UBE2W: variants seen among roughly 807,000 people sequenced by gnomAD.
UBE2W encodes ubiquitin conjugating enzyme E2 W.
A neutral mutation model predicts 27.2 loss-of-function variants in UBE2W; 18 were observed. The observed-to-expected ratio is 0.66, with a 90% confidence interval of 0.46 to 0.98. The LOEUF (loss-of-function observed/expected upper bound fraction) is 0.98, where lower values mean the gene tolerates loss of function less well. UBE2W is among the 50% of genes least tolerant of loss of function. The pLI is 0.00. For missense variants in UBE2W, 90 were observed against 180.2 expected (o/e 0.50, Z 2.87); for synonymous variants, 53 against 57.2 (o/e 0.93, Z 0.33).
At position 73,788,488 on chromosome 8, in the gene UBE2W, C is replaced by T. The variant is rs1808056528; in HGVS notation, c.*5614G>A. 2 of 985,278 alleles carry T rather than the reference C, an allele frequency of 2.0e-6. No individual in the cohort carries two copies. Among genetic ancestry groups the T allele is most frequent in the South Asian group, 4.7e-5 (1 of 21,292 alleles). 61.0% of individuals were successfully genotyped at this position (985,278 alleles called of 1,614,324 possible). On this transcript the variant is annotated 3_prime_UTR_variant, in exon 6 of 6. Transcript: ENST00000602593. ...CTAATCAACCCAATAATCCATTTTA[C>T]CTTGAACCTGACCACCAATTTGCCT...
intron 3 of UBE2W, among the ~76,000 whole-genome samples, chr8:73,819,224 C>T (rs1227021105): frequency 6.6e-6 from 1 of 152,184 alleles, no homozygotes; most frequent in African/African-American, 2.4e-5. Flanking sequence ...CCCTTCTGTA[C>T]TTTTCCCTCA....
At chr8:73,816,450 T>C (rs1809387838) in intron 3 of UBE2W, among the ~76,000 whole-genome samples, 1 of 152,100 alleles carries the variant, frequency 6.6e-6, no homozygotes, top group Admixed American at 6.5e-5. Context: ...GATGAGGACA[T>C]CACGAACATA....
downstream of UBE2W, among the ~76,000 whole-genome samples, chr8:73,781,787 C>T (rs987605478): frequency 6.6e-6 from 1 of 151,994 alleles, no homozygotes; most frequent in Non-Finnish European, 1.5e-5. Context: ...CCATGTTGCC[C>T]AGGCTAGACT....
chr8:73,788,609 AT>A lies in UBE2W; in HGVS notation c.*5492del, dbSNP rs1161835199. The stretch of plus-strand genomic sequence containing the variant: ...CCTTATGGTAGATTTCAGGCTTTAA[AT>A]TGTAAGTTTCAGGCTTCAAAAGAGG... On this transcript the variant is annotated 3_prime_UTR_variant, in exon 6 of 6. Coordinates refer to ENST00000602593, the MANE Select transcript of UBE2W (RefSeq NM_018299.6). The A allele has an allele frequency of 1.0e-6, 1 of 985,324 alleles. No homozygotes were observed. The highest frequency in any genetic ancestry group is 1.1e-4 in the East Asian group (1 of 8,828). 61.0% of individuals were successfully genotyped at this position (985,324 alleles called of 1,614,324 possible).
intron 3 of UBE2W, among the ~76,000 whole-genome samples, chr8:73,824,391 C>T (rs1809743609): frequency 6.6e-6 from 1 of 152,156 alleles, no homozygotes; most frequent in South Asian, 2.1e-4. Context: ...TGTACTCTGC[C>T]CTTCCTGTAC....
At chr8:73,845,655 A>G (rs1302993060) in intron 1 of UBE2W, among the ~76,000 whole-genome samples, 2 of 152,034 alleles carry the variant, frequency 1.3e-5, no homozygotes, top group Non-Finnish European at 2.9e-5. Context: ...CTATTGTCCT[A>G]TGACCCTGCC....
intron 3 of UBE2W, among the ~76,000 whole-genome samples, chr8:73,820,608 G>GCTGTTT (rs1809569822): frequency 6.6e-6 from 1 of 152,110 alleles, no homozygotes; most frequent in Admixed American, 6.6e-5. Flanking sequence ...AGGCATGGTG[G>GCTGTTT]TGCATACCTG....
At chr8:73,785,652 C>CTT (rs1807931173), downstream of UBE2W, among the ~76,000 whole-genome samples, 2 of 151,826 alleles carry the variant, frequency 1.3e-5, no homozygotes, top group African/African-American at 4.8e-5. Flanking sequence ...AGTGCAATGG[C>CTT]ATGATCTTAG....
intron 1 of UBE2W, among the ~76,000 whole-genome samples, chr8:73,865,279 T>G (rs1037839676): frequency 1.4e-5 from 2 of 147,844 alleles, no homozygotes; most frequent in African/African-American, 5.0e-5. Flanking sequence ...ATGGAACTCA[T>G]GAATAATGAA....
chr8:73,845,898 A>T (rs989564326), intron 1 of UBE2W, among the ~76,000 whole-genome samples: 10 of 151,984 alleles, frequency 6.6e-5, no homozygotes, highest in African/African-American at 9.7e-5. Flanking sequence ...ACTAAGTTTA[A>T]AAAAAAATGG....
chr8:73,867,040 T>C (rs944184232), intron 1 of UBE2W, among the ~76,000 whole-genome samples: 5 of 150,958 alleles, frequency 3.3e-5, no homozygotes, highest in African/African-American at 1.2e-4. Flanking sequence ...GTGAATGTAA[T>C]AAATAATGTC....
intron 1 of UBE2W, among the ~76,000 whole-genome samples, chr8:73,856,244 C>T (rs1302543634): frequency 6.6e-6 from 1 of 151,944 alleles, no homozygotes; most frequent in Non-Finnish European, 1.5e-5. Context: ...AAATAGATTA[C>T]CATTTTCAAT....
chr8:73,827,585 C>T (rs73338471), intron 2 of UBE2W, among the ~76,000 whole-genome samples: 4,774 of 152,070 alleles, frequency 0.031, 230 homozygotes, highest in African/African-American at 0.1. Flanking sequence ...GCTGGAGTAC[C>T]GTGGTGCAAT....
At position 73,791,299 on chromosome 8, in the gene UBE2W, T is replaced by C; in HGVS notation, c.*2803A>G. ...AAAAAAAAGAAGGGCATCATGTTCA[T>C]GATCTAAGCATGCATAAATAAGGAA... On this transcript the variant is annotated 3_prime_UTR_variant, in exon 6 of 6. Coordinates refer to ENST00000602593, the MANE Select transcript of UBE2W (RefSeq NM_018299.6). 2 of 981,412 alleles carry C rather than the reference T, an allele frequency of 2.0e-6. No individual in the cohort carries two copies. Among genetic ancestry groups the C allele is most frequent in the Non-Finnish European group, 2.4e-6 (2 of 829,186 alleles). 60.8% of individuals were successfully genotyped at this position (981,412 alleles called of 1,614,324 possible).
intron 1 of UBE2W, among the ~76,000 whole-genome samples, chr8:73,839,513 C>A (rs924169941): frequency 6.6e-6 from 1 of 151,628 alleles, no homozygotes; most frequent in Non-Finnish European, 1.5e-5. Context: ...AAAAATCAGC[C>A]GGGCATGGTG....
intron 5 of UBE2W, among the ~76,000 whole-genome samples, chr8:73,799,858 A>C (rs1398201319): frequency 6.6e-6 from 1 of 152,210 alleles, no homozygotes; most frequent in Admixed American, 6.5e-5. Context: ...TAAGCCTTTG[A>C]AAATTAGATG....
At position 73,788,623 on chromosome 8, in the gene UBE2W, G is replaced by A; in HGVS notation, c.*5479C>T. 5.1e-6 allele frequency: 5 copies of A among 985,374 alleles called. No individual in the cohort carries two copies. The highest frequency in any genetic ancestry group is 6.0e-6 in the Non-Finnish European group (5 of 829,926). 61.0% of individuals were successfully genotyped at this position (985,374 alleles called of 1,614,324 possible). ...TCAGGCTTTAAATTGTAAGTTTCAGGCTTCAAAAGAGGCAGGATTATTAAA... is the reference window on the plus strand; with the variant it reads ...TCAGGCTTTAAATTGTAAGTTTCAGACTTCAAAAGAGGCAGGATTATTAAA... On this transcript the variant is annotated 3_prime_UTR_variant, in exon 6 of 6. Transcript: ENST00000602593.
At chr8:73,853,473 T>G (rs1413081889) in intron 1 of UBE2W, among the ~76,000 whole-genome samples, 4 of 152,070 alleles carry the variant, frequency 2.6e-5, no homozygotes, top group African/African-American at 9.7e-5. Flanking sequence ...TTGCCCAGGT[T>G]TGGAATTTAA....
At chr8:73,811,655 G>A (rs1809159171) in intron 3 of UBE2W, among the ~76,000 whole-genome samples, 1 of 152,142 alleles carries the variant, frequency 6.6e-6, no homozygotes, top group South Asian at 2.1e-4. Context: ...AATTTAGTAA[G>A]TATAATTAGA....
Sources: gnomAD v4.1 joint callset for allele counts (sites outside exome capture counted in the v4.1 genomes callset) on GRCh38, gnomAD v4.1.1 for gene constraint, MANE v1.5 for transcripts, NCBI Gene and HGNC (gene_info 2026-07-23, HGNC 2026-07-21) for gene names.